PROSER3: variants seen among roughly 807,000 people sequenced by gnomAD.
PROSER3 encodes the protein proline and serine-rich protein 3.
PROSER3 carries 33 observed loss-of-function variants against 50.2 expected under a neutral mutation model. The observed-to-expected ratio is 0.66, with a 90% CI of 0.50 to 0.88. The LOEUF (loss-of-function observed/expected upper bound fraction) is 0.88. Ranked by LOEUF, PROSER3 falls within the 40% of genes least tolerant of loss-of-function variation. The probability of loss-of-function intolerance (pLI) is 0.00; values close to 1 mark genes in which losing one functional copy is unlikely to be tolerated. For synonymous variants in PROSER3, 266 were observed against 259.3 expected, an observed-to-expected ratio of 1.03 and a Z score of -0.25; for missense variants, 623 against 612.7, an observed-to-expected ratio of 1.02 and a Z score of -0.18.
exon 9 of PROSER3, chr19:35,767,993 CCGCCCG>C (rs1971222236): frequency 6.3e-7 from 1 of 1,596,562 alleles, no homozygotes; most frequent in Non-Finnish European, 8.5e-7. Context: ...GGCCCCGCCC[CCGCCCG>C]CTGCTGACCA....
chr19:35,759,538 G>A (rs2146553006), intron 2 of PROSER3, 68 bp downstream of exon 2: 3 of 1,384,430 alleles, frequency 2.2e-6, no homozygotes, highest in East Asian at 2.4e-5. Flanking sequence ...TAGAGGGTAG[G>A]AAGACATGTG....
At chr19:35,767,870 A>C (rs776176044) in exon 9 of PROSER3, 15 of 1,611,912 alleles carry the variant, frequency 9.3e-6, no homozygotes, top group African/African-American at 1.3e-5. Context: ...GAGCGAAGCC[A>C]CTCCTTCCCC....
exon 11 of PROSER3, chr19:35,768,579 T>C (rs80165934): frequency 4.0e-5 from 18 of 450,970 alleles, no homozygotes; most frequent in Admixed American, 1.7e-4. Flanking sequence ...AGTGAGGCTC[T>C]TTTTTTTTTT....
chr19:35,763,286 C>T (rs1971018787), intron 5 of PROSER3, among the ~76,000 whole-genome samples: 1 of 151,672 alleles, frequency 6.6e-6, no homozygotes, highest in Admixed American at 6.6e-5. Flanking sequence ...ACTGCAACCT[C>T]CGCCTCTCGG....
chr19:35,760,093 C>G (rs779629961), intron 3 of PROSER3, 102 bp downstream of exon 3: 23 of 1,236,442 alleles, frequency 1.9e-5, no homozygotes, highest in Non-Finnish European at 2.5e-5. Flanking sequence ...CTGCAGCACT[C>G]TTTTAGGACC....
intron 8 of PROSER3, chr19:35,767,099 A>C (rs1259757249): frequency 3.6e-6 from 4 of 1,099,400 alleles, no homozygotes; most frequent in African/African-American, 3.2e-5. Flanking sequence ...GGAGACCCTC[A>C]GTTCTCTGGG....
exon 4 of PROSER3, chr19:35,762,081 C>T (rs757773548): frequency 1.2e-6 from 2 of 1,611,784 alleles, no homozygotes; most frequent in South Asian, 2.2e-5. Context: ...CCTGCAGGCC[C>T]AACCCCAGCT....
At chr19:35,763,057 A>G (rs1417958762) in intron 5 of PROSER3, 1 of 151,928 alleles carries the variant, frequency 6.6e-6, no homozygotes, top group Non-Finnish European at 1.5e-5. Flanking sequence ...ATTAGAGCTG[A>G]TCCCCATTTC....
downstream of PROSER3, among the ~76,000 whole-genome samples, chr19:35,770,107 A>G (rs911471640): frequency 6.6e-6 from 1 of 151,302 alleles, no homozygotes; most frequent in Non-Finnish European, 1.5e-5. Context: ...GTTTCACCAT[A>G]TTGGCCAGGC....
At chr19:35,767,897 C>T (rs1971212449) in exon 9 of PROSER3, 2 of 1,613,076 alleles carry the variant, frequency 1.2e-6, no homozygotes, top group African/African-American at 2.7e-5. Flanking sequence ...CTGCCTGCAG[C>T]CCGAGGTCCC....
chr19:35,768,113 G>A, intron 9 of PROSER3, 42 bp from the exon 10 acceptor site: 2 of 1,600,910 alleles, frequency 1.2e-6, no homozygotes, highest in Non-Finnish European at 1.7e-6. Context: ...AGCCCCCTAA[G>A]AGGCCGGCCC....
At chr19:35,764,576 A>G (rs1599753043) in intron 5 of PROSER3, among the ~76,000 whole-genome samples, 2 of 151,978 alleles carry the variant, frequency 1.3e-5, no homozygotes, top group East Asian at 3.9e-4. Flanking sequence ...GAATTGCTTG[A>G]ACCCAGGAGA....
Position 35,768,239 on chromosome 19 carries a change from G to T in PROSER3, c.1301+3G>T. 1 of 1,610,374 alleles carries T rather than the reference G, an allele frequency of 6.2e-7. No homozygotes were observed. The highest frequency in any genetic ancestry group is 8.5e-7 in the Non-Finnish European group (1 of 1,178,348). On this transcript the variant is annotated splice_donor_region_variant and intron_variant, in intron 10 of 10. Coordinates refer to ENST00000396908, the Ensembl canonical transcript of PROSER3. The stretch of plus-strand genomic sequence containing the variant: ...GCAGAGCTGAGTCGGCAGAAAAGGT[G>T]ACCGACCCTCCATCCCCAGAGTCTA...
At chr19:35,767,783 G>C (rs1234920267) in intron 8 of PROSER3, 2 of 1,601,944 alleles carry the variant, frequency 1.2e-6, no homozygotes, top group Non-Finnish European at 1.7e-6. Flanking sequence ...CCCTCCATCT[G>C]AATCCCAGTG....
chr19:35,760,115 G>A (rs1045831536), intron 3 of PROSER3, 124 bp downstream of exon 3: 4 of 1,061,380 alleles, frequency 3.8e-6, no homozygotes, highest in Non-Finnish European at 5.3e-6. Flanking sequence ...GGCAGTTTAT[G>A]TGTGTTAAGA....
At chr19:35,768,168 C>A (rs1434379005) in exon 10 of PROSER3, 1 of 1,613,412 alleles carries the variant, frequency 6.2e-7, no homozygotes, top group African/African-American at 1.3e-5. Flanking sequence ...CCGACGGCAG[C>A]GAGTTCCAGG....
intron 10 of PROSER3, 30 bp from the exon 11 acceptor site, chr19:35,768,374 C>A (rs933532870): frequency 6.3e-7 from 1 of 1,589,566 alleles, no homozygotes; most frequent in Admixed American, 1.7e-5. Flanking sequence ...AGCACATACC[C>A]CAGCCTCTGC....
At chr19:35,765,237 A>G (rs868550892) in intron 7 of PROSER3, 61 bp downstream of exon 7, 2 of 1,557,074 alleles carry the variant, frequency 1.3e-6, no homozygotes. Context: ...TCTGCCACTG[A>G]CCAGCTATGG....
chr19:35,761,469 T>A (rs1344036660), intron 3 of PROSER3, among the ~76,000 whole-genome samples: 1 of 152,032 alleles, frequency 6.6e-6, no homozygotes, highest in Non-Finnish European at 1.5e-5. Flanking sequence ...ATCAGGAGTT[T>A]GAGACCAGCC....
Sources: allele counts gnomAD v4.1 joint callset (sites outside exome capture counted in the v4.1 genomes callset), GRCh38; gene constraint gnomAD v4.1.1; transcripts MANE v1.5; gene names NCBI Gene and HGNC (gene_info 2026-07-23, HGNC 2026-07-21).